The following PLCH1 variants were observed in gnomAD, a reference collection of about 807,000 sequenced individuals.
PLCH1 encodes the protein phospholipase C eta 1.
A neutral mutation model predicts 126.7 loss-of-function variants in PLCH1; 60 were observed. That is an observed-to-expected ratio of 0.47 (90% CI 0.38 to 0.59). The LOEUF (loss-of-function observed/expected upper bound fraction) is 0.59. Ranked by LOEUF, PLCH1 falls within the 20% of genes least tolerant of loss-of-function variation. The pLI, the probability that PLCH1 is intolerant of heterozygous loss-of-function variation, is 0.00. For synonymous variants in PLCH1, 719 were observed against 734.9 expected, an observed-to-expected ratio of 0.98 and a Z score of 0.35; for missense variants, 1,723 against 2,040.0, an observed-to-expected ratio of 0.84 and a Z score of 2.99.
At chr3:155,676,480 G>T in intron 2 of PLCH1, 1 of 793,506 alleles carries the variant, frequency 1.3e-6, no homozygotes, top group Non-Finnish European at 1.5e-6. Flanking sequence ...CACCTTCAGA[G>T]GTCATTGAGA....
intron 5 of PLCH1, 119 bp from the exon 6 acceptor site, chr3:155,583,761 T>C: frequency 3.2e-6 from 2 of 627,876 alleles, no homozygotes; most frequent in Admixed American, 7.6e-5. Flanking sequence ...TGAGCACACA[T>C]TCTCTTCGAG....
chr3:155,481,791 A>T lies in PLCH1; in HGVS notation c.4235T>A (p.Ile1412Lys). The T allele has an allele frequency of 6.2e-7, 1 of 1,614,162 alleles. No homozygotes were observed. Among genetic ancestry groups the T allele is most frequent in the Non-Finnish European group, 8.5e-7 (1 of 1,180,010 alleles). ...KETLRPSVPEIFNNIQDVKTQ... is the reference protein window; with the variant it reads ...KETLRPSVPEKFNNIQDVKTQ... The stretch of plus-strand genomic sequence containing the variant: ...TTTGACATCTTGAATATTGTTGAAT[A>T]TTTCAGGGACAGAAGGGCGGAGGGT... The change falls in exon 23 of 23, where the codon ATA becomes AAA. Residue 1412 changes from isoleucine to lysine, a missense_variant. Ile to Lys is a moderately radical substitution (Grantham distance 102). Around this residue, in one of 2 missense-constraint regions of PLCH1, gnomAD observed 947 missense variants for 977.1 expected, o/e 0.97. Transcript: ENST00000460012. The surrounding 1 kb of genome is among the most constrained non-coding windows in gnomAD (Gnocchi z 4.2).
chr3:155,458,558 A>AAGAAAGAAAGAAAGAAAG (rs369423283), intron 21 of PLCH1, among the ~76,000 whole-genome samples: 58 of 128,380 alleles, frequency 4.5e-4, no homozygotes, highest in African/African-American at 1.7e-3. Context: ...AAGAAAGAGA[A>AAGAAAGAAAGAAAGAAAG]AAAGAAAGAA....
intron 21 of PLCH1, among the ~76,000 whole-genome samples, chr3:155,461,926 G>A (rs1034179301): frequency 3.3e-5 from 5 of 152,186 alleles, no homozygotes; most frequent in Admixed American, 6.5e-5. Flanking sequence ...AAAAGCAAGG[G>A]CTCTGGGAAC....
chr3:155,633,334 T>C (rs765139408), intron 2 of PLCH1, among the ~76,000 whole-genome samples: 1 of 145,008 alleles, frequency 6.9e-6, no homozygotes, highest in Admixed American at 7.1e-5. Context: ...CTTGAAACAG[T>C]TTAGTTTTCT....
chr3:155,551,852 C>T (rs1463844062), intron 9 of PLCH1, among the ~76,000 whole-genome samples: 2 of 152,136 alleles, frequency 1.3e-5, no homozygotes, highest in African/African-American at 4.8e-5. Flanking sequence ...AAGTGCTTTT[C>T]TTCTAAGAGT....
intron 1 of PLCH1, among the ~76,000 whole-genome samples, chr3:155,714,841 C>A (rs1477186175): frequency 1.3e-5 from 2 of 152,194 alleles, no homozygotes; most frequent in African/African-American, 4.8e-5. Flanking sequence ...GCAAGGCTGG[C>A]CTATAACTTC....
intron 1 of PLCH1, among the ~76,000 whole-genome samples, chr3:155,709,887 G>C (rs1432951232): frequency 6.6e-6 from 1 of 152,104 alleles, no homozygotes; most frequent in Non-Finnish European, 1.5e-5. Context: ...CAAAGTACTG[G>C]GATTACAGAT....
intron 2 of PLCH1, among the ~76,000 whole-genome samples, chr3:155,699,822 T>TCACACACACACACACA (rs59082626): frequency 0.016 from 2,385 of 147,750 alleles, 72 homozygotes; most frequent in African/African-American, 0.056. Flanking sequence ...CTGTGACCAT[T>TCACACACACACACACA]CACACACACA....
rs71155058 is a variant in PLCH1, at chr3:155,626,768, C to CAAA, written c.80-30393_80-30391dup. On this transcript the variant is annotated intron_variant, in intron 2 of 22. Coordinates refer to ENST00000460012, the MANE Select transcript of PLCH1 (RefSeq NM_014996.4). Reference sequence around the variant, plus strand: ...TGGGCCACAGAGCGAGACTCCGTCTCAAAAAAAAAAAAAAAAAAAAAAAAA... The same window carrying CAAA: ...TGGGCCACAGAGCGAGACTCCGTCTCAAAAAAAAAAAAAAAAAAAAAAAAAAAA... Among the ~76,000 whole-genome samples the CAAA allele has an allele frequency of 1.7e-3, 82 of 49,618 alleles. 1 individual carries two copies. Among genetic ancestry groups the CAAA allele is most frequent in the Non-Finnish European group, 2.5e-3 (63 of 25,112 alleles). The allele number at this position is 49,618 out of a possible 152,430, so 32.6% of individuals were successfully genotyped here. A position where few individuals can be genotyped will look rare whatever the true frequency, so the allele number is the denominator to read the frequency against.
chr3:155,728,546 C>A (rs1328097845), intron 1 of PLCH1, among the ~76,000 whole-genome samples: 2 of 152,078 alleles, frequency 1.3e-5, no homozygotes, highest in East Asian at 3.8e-4. Context: ...GATTTGAACT[C>A]AAAAAATCTA....
intron 1 of PLCH1, among the ~76,000 whole-genome samples, chr3:155,722,319 C>T (rs576669315): frequency 2.0e-5 from 3 of 152,084 alleles, no homozygotes; most frequent in African/African-American, 7.2e-5. Flanking sequence ...CGCACCACCA[C>T]GCCCAGCTAA....
intron 6 of PLCH1, among the ~76,000 whole-genome samples, chr3:155,578,093 C>T (rs1030093757): frequency 3.3e-5 from 5 of 152,134 alleles, no homozygotes; most frequent in East Asian, 1.9e-4. Context: ...GTCTAATGTT[C>T]TTTCCAGTAC....
chr3:155,691,523 A>G (rs1745382278), intron 2 of PLCH1, among the ~76,000 whole-genome samples: 1 of 152,218 alleles, frequency 6.6e-6, no homozygotes, highest in Admixed American at 6.5e-5. Flanking sequence ...TCTAGGAATA[A>G]CACAGAGAAC....
intron 2 of PLCH1, among the ~76,000 whole-genome samples, chr3:155,600,449 G>A (rs1485525581): frequency 6.6e-6 from 1 of 152,166 alleles, no homozygotes. Context: ...GAGTTCTAGT[G>A]GCTTAGAATG....
At chr3:155,542,655 C>A (rs549202968) in intron 10 of PLCH1, among the ~76,000 whole-genome samples, 3 of 152,282 alleles carry the variant, frequency 2.0e-5, no homozygotes, top group South Asian at 2.1e-4. Context: ...GGCAGACTGA[C>A]ACCTCACACA....
At chr3:155,700,262 G>A (rs358711) in intron 2 of PLCH1, among the ~76,000 whole-genome samples, 60,595 of 151,980 alleles carry the variant, frequency 0.4, 12,840 homozygotes, top group African/African-American at 0.53. Context: ...CCAGGAAGGG[G>A]AGGCTGGATA....
At chr3:155,477,020 C>T (rs915358090), downstream of PLCH1, among the ~76,000 whole-genome samples, 1 of 152,006 alleles carries the variant, frequency 6.6e-6, no homozygotes, top group Non-Finnish European at 1.5e-5. Flanking sequence ...GCTATAGTAA[C>T]CAAAACAGCA....
chr3:155,644,328 T>G (rs560063095), intron 2 of PLCH1, among the ~76,000 whole-genome samples: 1 of 152,188 alleles, frequency 6.6e-6, no homozygotes, highest in African/African-American at 2.4e-5. Context: ...AGAGGCCGAG[T>G]GTGGTGATTC....
Sources: allele counts gnomAD v4.1 joint callset (sites outside exome capture counted in the v4.1 genomes callset), GRCh38; gene constraint gnomAD v4.1.1; regional missense constraint gnomAD v4.1.1; non-coding constraint Gnocchi (gnomAD v3.1); transcripts MANE v1.5; gene names NCBI Gene and HGNC (gene_info 2026-07-23, HGNC 2026-07-21).